ANKRD26: variants seen among roughly 807,000 people sequenced by gnomAD.
The protein encoded by ANKRD26 is ankyrin repeat domain-containing protein 26.
Under a neutral mutation model 208.7 loss-of-function variants are expected in ANKRD26, and 141 were observed. The ratio of observed to expected loss-of-function variants is 0.68; its 90% CI spans 0.59 to 0.78. ANKRD26 has a LOEUF of 0.78. Ranked by LOEUF, ANKRD26 falls within the 30% of genes least tolerant of loss-of-function variation. The pLI is 0.00. For synonymous variants in ANKRD26, 636 were observed against 660.4 expected (o/e 0.96, Z 0.57); for missense variants, 1,889 against 1,938.7 (o/e 0.97, Z 0.48).
intron 17 of ANKRD26, 122 bp downstream of exon 17, chr10:27,048,679 G>T: frequency 1.0e-6 from 1 of 953,314 alleles, no homozygotes; most frequent in Non-Finnish European, 1.5e-6. Flanking sequence ...TAATTGCAAG[G>T]CAAGGTTGCA....
chr10:26,995,928 T>C (rs1441830549), intron 4 of ANKRD26, among the ~76,000 whole-genome samples: 1 of 152,170 alleles, frequency 6.6e-6, no homozygotes, highest in Non-Finnish European at 1.5e-5. Context: ...TAAGTGGGAC[T>C]TTCTGTGCAC....
At chr10:26,999,807 C>CAAAAAAA, downstream of ANKRD26, among the ~76,000 whole-genome samples, 1 of 74,778 alleles carries the variant, frequency 1.3e-5, no homozygotes, top group Admixed American at 1.5e-4. Context: ...CAAAACCAAC[C>CAAAAAAA]AAAAAAAAAA....
At chr10:27,021,476 C>T (rs938303616) in intron 29 of ANKRD26, among the ~76,000 whole-genome samples, 3 of 152,136 alleles carry the variant, frequency 2.0e-5, no homozygotes, top group African/African-American at 4.8e-5. Context: ...TTGATAGTAG[C>T]GATTCTAACT....
exon 5 of ANKRD26, among the ~76,000 whole-genome samples, chr10:26,980,804 G>A (rs893024586): frequency 7.2e-5 from 11 of 152,294 alleles, no homozygotes; most frequent in Middle Eastern, 3.4e-3. Context: ...TCTGGTCCAG[G>A]AAGTTCAGAG....
intron 32 of ANKRD26, among the ~76,000 whole-genome samples, chr10:27,008,873 T>C (rs2052988017): frequency 6.6e-6 from 1 of 152,166 alleles, no homozygotes; most frequent in South Asian, 2.1e-4. Context: ...GGAGTCTCAC[T>C]CTGTTGCCCA....
intron 30 of ANKRD26, among the ~76,000 whole-genome samples, chr10:27,017,155 AAAATT>A (rs1389860831): frequency 3.9e-5 from 6 of 152,238 alleles, no homozygotes; most frequent in Admixed American, 6.5e-5. Flanking sequence ...ATTTAAAGAT[AAAATT>A]AATTAAAAAT....
chr10:26,988,441 C>G (rs2052425658), downstream of ANKRD26, among the ~76,000 whole-genome samples: 1 of 152,088 alleles, frequency 6.6e-6, no homozygotes, highest in South Asian at 2.1e-4. Flanking sequence ...AGAATGCCAT[C>G]CACTTATTGG....
intron 25 of ANKRD26, among the ~76,000 whole-genome samples, chr10:27,030,152 G>T (rs2053816241): frequency 6.6e-6 from 1 of 152,084 alleles, no homozygotes; most frequent in East Asian, 1.9e-4. Flanking sequence ...TTAGGCAGAT[G>T]GCATGCCAAT....
At chr10:27,069,022 T>C (rs955595601) in intron 9 of ANKRD26, among the ~76,000 whole-genome samples, 2 of 151,830 alleles carry the variant, frequency 1.3e-5, no homozygotes, top group Non-Finnish European at 2.9e-5. Flanking sequence ...GATGGAACCC[T>C]GTCTCTACTA....
At chr10:27,094,238 C>CATATA (rs1589381098) in intron 1 of ANKRD26, among the ~76,000 whole-genome samples, 1 of 152,290 alleles carries the variant, frequency 6.6e-6, no homozygotes, top group East Asian at 1.9e-4. Flanking sequence ...ATAAATTACC[C>CATATA]ATATAATAAA....
intron 6 of ANKRD26, chr10:27,081,038 G>C: frequency 2.6e-6 from 2 of 770,502 alleles, no homozygotes; most frequent in Non-Finnish European, 3.2e-6. Context: ...CCGATAAGTT[G>C]AGGCAGAAGT....
At chr10:26,954,862 ATAGT>A in the ANKRD26 span, among the ~76,000 whole-genome samples, 1 of 151,572 alleles carries the variant, frequency 6.6e-6, no homozygotes, top group Non-Finnish European at 1.5e-5. Context: ...TTTATGAAAC[ATAGT>A]TTGTCTCTGC....
At chr10:26,995,837 A>T (rs1215130053) in intron 4 of ANKRD26, among the ~76,000 whole-genome samples, 3 of 152,178 alleles carry the variant, frequency 2.0e-5, no homozygotes, top group African/African-American at 7.2e-5. Flanking sequence ...CCCAAGGAGA[A>T]TGTCATCCAC....
chr10:27,040,424 T>C (rs982930256), intron 20 of ANKRD26, among the ~76,000 whole-genome samples: 12 of 152,282 alleles, frequency 7.9e-5, no homozygotes, highest in African/African-American at 2.6e-4. Context: ...TTCAGATAGA[T>C]GCTGTAAGGA....
chr10:26,999,398 C>T (rs563815242), downstream of ANKRD26, among the ~76,000 whole-genome samples: 37 of 152,318 alleles, frequency 2.4e-4, no homozygotes, highest in African/African-American at 8.2e-4. Context: ...GGTTCTCCTT[C>T]AGATATTATT....
downstream of ANKRD26, among the ~76,000 whole-genome samples, chr10:27,003,696 T>C (rs1589192956): frequency 6.6e-6 from 1 of 152,296 alleles, no homozygotes; most frequent in East Asian, 1.9e-4. Context: ...ACTCAGCCTG[T>C]GTGAAAGCCC....
chr10:26,951,640 C>T, the ANKRD26 span, among the ~76,000 whole-genome samples: 5 of 152,082 alleles, frequency 3.3e-5, no homozygotes, highest in South Asian at 2.1e-4. Context: ...GTAGATACAT[C>T]GCCTGAGAAT....
the ANKRD26 span, among the ~76,000 whole-genome samples, chr10:26,964,425 T>A: frequency 6.6e-6 from 1 of 152,170 alleles, no homozygotes; most frequent in Admixed American, 6.5e-5. Context: ...ACTCATCCCA[T>A]CTGGAGATAT....
At chr10:26,965,883 A>G in the ANKRD26 span, among the ~76,000 whole-genome samples, 1 of 152,218 alleles carries the variant, frequency 6.6e-6, no homozygotes, top group African/African-American at 2.4e-5. Context: ...ATGAAAAAAA[A>G]ACTCAACATC....
Sources: allele counts gnomAD v4.1 joint callset (sites outside exome capture counted in the v4.1 genomes callset), GRCh38; gene constraint gnomAD v4.1.1; transcripts MANE v1.5; gene names NCBI Gene and HGNC (gene_info 2026-07-23, HGNC 2026-07-21).